Variants in SPTBN4 observed in about 807,000 individuals in gnomAD.
The protein encoded by SPTBN4 is spectrin beta chain, non-erythrocytic 4.
A neutral mutation model predicts 277.8 loss-of-function variants in SPTBN4; 96 were observed. The ratio of observed to expected loss-of-function variants is 0.35; its 90% confidence interval spans 0.29 to 0.41. SPTBN4 has a LOEUF of 0.41. SPTBN4 is among the 10% of genes least tolerant of loss of function. The pLI, the probability that SPTBN4 is intolerant of heterozygous loss-of-function variation, is 1.00. For synonymous variants in SPTBN4, 1,481 were observed against 1,580.3 expected, an observed-to-expected ratio of 0.94 and a Z score of 1.49; for missense variants, 3,006 against 3,595.7, an observed-to-expected ratio of 0.84 and a Z score of 4.19.
chr19:40,538,975 A>G (rs1461839311), intron 20 of SPTBN4, among the ~76,000 whole-genome samples: 3 of 152,190 alleles, frequency 2.0e-5, no homozygotes, highest in African/African-American at 7.2e-5. Context: ...GCCAACCCAC[A>G]TGGAAGCCAG....
At chr19:40,482,887 G>C (rs1380399266) in intron 2 of SPTBN4, among the ~76,000 whole-genome samples, 2 of 152,164 alleles carry the variant, frequency 1.3e-5, no homozygotes, top group South Asian at 2.1e-4. Flanking sequence ...CTTGAACCTG[G>C]GGGGTGGAGG....
At chr19:40,550,165 T>C (rs1349493059) in intron 21 of SPTBN4, 73 bp from the exon 22 acceptor site, 1 of 1,309,774 alleles carries the variant, frequency 7.6e-7, no homozygotes, top group Non-Finnish European at 1.1e-6. Context: ...GCCGTGCAGG[T>C]TTAAAGTTTA....
At chr19:40,476,015 CA>C (rs1288136946) in intron 2 of SPTBN4, among the ~76,000 whole-genome samples, 14 of 152,062 alleles carry the variant, frequency 9.2e-5, no homozygotes, top group African/African-American at 3.4e-4. Context: ...CACTGCACTC[CA>C]GCCTGGGCAA....
At chr19:40,575,014 CAAAAAAA>C (rs11458145) in intron 35 of SPTBN4, among the ~76,000 whole-genome samples, 1 of 90,074 alleles carries the variant, frequency 1.1e-5, no homozygotes, top group Admixed American at 1.3e-4. Context: ...GACTCTGTCT[CAAAAAAA>C]AAAAAAAAAA....
intron 20 of SPTBN4, among the ~76,000 whole-genome samples, chr19:40,538,433 A>G (rs566713598): frequency 6.6e-6 from 1 of 151,126 alleles, no homozygotes; most frequent in African/African-American, 2.4e-5. Flanking sequence ...CGGCAGCCAG[A>G]CCATGGCACC....
chr19:40,495,097 C>T (rs1356525802), intron 6 of SPTBN4, 120 bp downstream of exon 6: 4 of 851,642 alleles, frequency 4.7e-6, no homozygotes, highest in African/African-American at 3.4e-5. Context: ...CATCCCTTCA[C>T]CTCTACACAC....
chr19:40,498,780 C>A (rs1370741974), intron 7 of SPTBN4, among the ~76,000 whole-genome samples: 3 of 151,984 alleles, frequency 2.0e-5, no homozygotes, highest in Non-Finnish European at 4.4e-5. Flanking sequence ...CGGCTCACAG[C>A]AACCTCCACC....
chr19:40,470,549 T>G (rs7256395), intron 1 of SPTBN4, among the ~76,000 whole-genome samples: 1 of 151,280 alleles, frequency 6.6e-6, no homozygotes, highest in Non-Finnish European at 1.5e-5. Flanking sequence ...TCAAGCGATC[T>G]GCCTGCCTTG....
intron 2 of SPTBN4, among the ~76,000 whole-genome samples, chr19:40,474,151 CAAAAAAAAAAAAAAAAA>C (rs71173641): frequency 5.8e-5 from 2 of 34,448 alleles, no homozygotes; most frequent in Admixed American, 5.0e-4. Flanking sequence ...GAACCTATCT[CAAAAAAAAAAAAAAAAA>C]AAAAAAAAAA....
At chr19:40,531,548 G>A (rs2080674736) in intron 18 of SPTBN4, among the ~76,000 whole-genome samples, 1 of 142,966 alleles carries the variant, frequency 7.0e-6, no homozygotes. Context: ...GAGGAGAAAG[G>A]GGAGGAGCAA....
At position 40,512,591 on chromosome 19, in the gene SPTBN4, C is replaced by G; in HGVS notation, c.1817-15C>G. On this transcript the variant is annotated splice_polypyrimidine_tract_variant and intron_variant, in intron 13 of 35. Transcript: ENST00000598249. ...CTTGTGACCAATCCTGGATGCTCCCCTTCTCCTGGCTCAGGCTACCAGCCC... is the reference window on the plus strand; with the variant it reads ...CTTGTGACCAATCCTGGATGCTCCCGTTCTCCTGGCTCAGGCTACCAGCCC... 1 of 1,518,318 alleles carries G rather than the reference C, an allele frequency of 6.6e-7. No individual in the cohort carries two copies. Among genetic ancestry groups the G allele is most frequent in the South Asian group, 1.2e-5 (1 of 82,940 alleles). 94.1% of individuals were successfully genotyped at this position (1,518,318 alleles called of 1,614,324 possible).
chr19:40,488,221 A>G (rs990369493), intron 3 of SPTBN4, among the ~76,000 whole-genome samples: 2 of 151,738 alleles, frequency 1.3e-5, no homozygotes, highest in Admixed American at 1.3e-4. Flanking sequence ...ATGCTATAAA[A>G]CAGGGGCAGA....
At position 40,523,656 on chromosome 19, in the gene SPTBN4, C is replaced by T. The variant is rs768037148; in HGVS notation, c.3857+17C>T. On this transcript the variant is annotated intron_variant, in intron 17 of 35. Transcript: ENST00000598249. ...GCTGGAGAAGTAGGTCCCCTAGACC[C>T]ATCCACCCCAGGGAGGGGGCAGAAG... 3 of 1,592,166 alleles carry T rather than the reference C, an allele frequency of 1.9e-6. No homozygotes were observed. Among genetic ancestry groups the T allele is most frequent in the East Asian group, 4.5e-5 (2 of 44,564 alleles).
At chr19:40,522,013 C>G (rs1238818103) in intron 16 of SPTBN4, among the ~76,000 whole-genome samples, 1 of 152,082 alleles carries the variant, frequency 6.6e-6, no homozygotes, top group Non-Finnish European at 1.5e-5. Flanking sequence ...CTTGAGTTCA[C>G]ACAGTACCCA....
rs374992082 is a variant in SPTBN4 at position 40,544,695 on chromosome 19, C to T, written c.4360-4494C>T. Among the ~76,000 whole-genome samples the T allele has an allele frequency of 7.6e-4, 115 of 152,160 alleles. No individual in the cohort carries two copies. In the East Asian group the frequency reaches 0.014, roughly 19 times the overall value. On this transcript the variant is annotated intron_variant, in intron 20 of 35. Coordinates refer to ENST00000598249, the MANE Select transcript of SPTBN4 (RefSeq NM_020971.3). The stretch of plus-strand genomic sequence containing the variant: ...AACTCCTGACTTCAGGTGATCCACG[C>T]GCCTTGGCCTCCCAGAGTGCTAGGA...
In SPTBN4 at chr19:40,472,699, G is replaced by T. The variant is rs777536882; in HGVS notation, c.78G>T (p.Glu26Asp). The T allele has an allele frequency of 5.6e-6, 9 of 1,613,578 alleles. No individual in the cohort carries two copies. Among genetic ancestry groups the T allele is most frequent in the Non-Finnish European group, 7.6e-6 (9 of 1,179,842 alleles). Residue 26 changes from glutamate (E) to aspartate (D), a missense_variant, in exon 2 of 36, where the codon GAG (glutamate) becomes GAT (aspartate). This residue lies in a region of SPTBN4 where 78 missense variants were observed against 65.7 expected (regional missense o/e 1.19). Transcript: ENST00000598249. The stretch of plus-strand genomic sequence containing the variant: ...ACAACAACCCTGCTGCCCGCTGGGA[G>T]AGTCCGGATCGGGGCTGGGAGCGGG... ...APNNNPAARW[E>D]SPDRGWEREQ...
chr19:40,472,414 C>T (rs535582444), intron 1 of SPTBN4, among the ~76,000 whole-genome samples, 193 bp from the exon 2 acceptor site: 1 of 150,728 alleles, frequency 6.6e-6, no homozygotes, highest in East Asian at 2.0e-4. Flanking sequence ...TGGGCTCAAG[C>T]GATTCTCCTG....
chr19:40,543,280 C>T (rs78107928), intron 20 of SPTBN4, among the ~76,000 whole-genome samples: 6,853 of 152,156 alleles, frequency 0.045, 199 homozygotes, highest in Non-Finnish European at 0.069. Context: ...CGAGACCCCA[C>T]CTCTACCAAA....
Position 40,520,093 on chromosome 19 carries a change from A to G in SPTBN4, c.3596A>G (p.His1199Arg). ...EARREALVQAHIYQLFLRDLR... is the reference protein window; with the variant it reads ...EARREALVQARIYQLFLRDLR... ...CGCAGGGAGGCGCTGGTCCAGGCGC[A>G]CATCTACCAGCTCTTCCTGCGGGAT... Residue 1199 changes from histidine (H) to arginine (R), a missense_variant, in exon 16 of 36, where the codon CAC (histidine) becomes CGC (arginine). Coordinates refer to ENST00000598249, the MANE Select transcript of SPTBN4 (RefSeq NM_020971.3). 3 of 1,487,104 alleles carry G rather than the reference A, an allele frequency of 2.0e-6. No homozygotes were observed. The highest frequency in any genetic ancestry group is 2.7e-6 in the Non-Finnish European group (3 of 1,121,944). The allele number at this position is 1,487,104 out of a possible 1,614,324, so 92.1% of individuals were successfully genotyped here.
Sources: allele counts gnomAD v4.1 joint callset (sites outside exome capture counted in the v4.1 genomes callset), GRCh38; gene constraint gnomAD v4.1.1; regional missense constraint gnomAD v4.1.1; transcripts MANE v1.5; gene names NCBI Gene and HGNC (gene_info 2026-07-23, HGNC 2026-07-21).